DOK6: variants seen among roughly 807,000 people sequenced by gnomAD.
DOK6 encodes downstream of tyrosine kinase 6.
A neutral mutation model predicts 44.0 loss-of-function variants in DOK6; 22 were observed. The ratio of observed to expected loss-of-function variants is 0.50; its 90% CI spans 0.36 to 0.71. The LOEUF (loss-of-function observed/expected upper bound fraction) is 0.71, where lower values mean the gene tolerates loss of function less well. Among genes scored for constraint, DOK6 ranks in the 30% least tolerant of loss-of-function variants. The probability of loss-of-function intolerance (pLI) is 0.00; values close to 1 mark genes in which losing one functional copy is unlikely to be tolerated. For missense variants in DOK6, 340 were observed against 416.4 expected (o/e 0.82, Z 1.60); for synonymous variants, 166 against 145.5 (o/e 1.14, Z -1.01).
intron 2 of DOK6, among the ~76,000 whole-genome samples, chr18:69,592,053 T>G (rs1983634095): frequency 1.3e-5 from 2 of 152,086 alleles, no homozygotes; most frequent in African/African-American, 4.8e-5. Context: ...GGAATTATTT[T>G]CATTTTAAAA....
intron 1 of DOK6, among the ~76,000 whole-genome samples, chr18:69,455,842 A>T (rs1979620278): frequency 6.6e-6 from 1 of 152,250 alleles, no homozygotes; most frequent in South Asian, 2.1e-4. Context: ...GGCAATTTGG[A>T]CTCATTTACC....
chr18:69,642,619 T>C (rs193109297), intron 3 of DOK6, among the ~76,000 whole-genome samples: 1 of 152,346 alleles, frequency 6.6e-6, no homozygotes, highest in East Asian at 1.9e-4. Flanking sequence ...TTTCAAAATA[T>C]TGACATTCTG....
At chr18:69,615,295 T>C (rs1387924155) in intron 3 of DOK6, among the ~76,000 whole-genome samples, 1 of 152,234 alleles carries the variant, frequency 6.6e-6, no homozygotes. Context: ...TACTTCAGTT[T>C]CAAGTGATGT....
rs141610542 is a variant in DOK6, at chr18:69,774,893, G to A, written c.856+17020G>A. On this transcript the variant is annotated intron_variant, in intron 7 of 7. Transcript: ENST00000382713. Reference sequence around the variant, plus strand: ...AGTTCCAGCATGAAAAAAATAAAAAGCAATTCATACTTTGAAACACGAGGG... The same window carrying A: ...AGTTCCAGCATGAAAAAAATAAAAAACAATTCATACTTTGAAACACGAGGG... Among the ~76,000 whole-genome samples the A allele has an allele frequency of 4.2e-3, 638 of 151,840 alleles. 2 individuals carry two copies. Among genetic ancestry groups the A allele is most frequent in the Non-Finnish European group, 6.9e-3 (470 of 67,854 alleles).
intron 7 of DOK6, among the ~76,000 whole-genome samples, chr18:69,835,813 C>G (rs1477962149): frequency 1.3e-5 from 2 of 152,158 alleles, no homozygotes; most frequent in Non-Finnish European, 2.9e-5. Context: ...ACCCTTTTAT[C>G]TCCCCCAGAT....
chr18:69,441,151 C>A (rs1314394711), intron 1 of DOK6, among the ~76,000 whole-genome samples: 7 of 151,964 alleles, frequency 4.6e-5, no homozygotes, highest in Admixed American at 3.9e-4. Flanking sequence ...CAACAACCAC[C>A]ATAAAAATAC....
intron 1 of DOK6, among the ~76,000 whole-genome samples, chr18:69,435,818 C>T (rs533334574): frequency 7.7e-4 from 117 of 152,088 alleles, no homozygotes; most frequent in Non-Finnish European, 1.5e-3. Context: ...ATATTTCCCC[C>T]TCCCTCTTTC....
At chr18:69,803,624 G>A (rs1228596564) in intron 7 of DOK6, among the ~76,000 whole-genome samples, 1 of 152,180 alleles carries the variant, frequency 6.6e-6, no homozygotes, top group Non-Finnish European at 1.5e-5. Flanking sequence ...AGCACTTTGG[G>A]AGGCCGAGGC....
intron 3 of DOK6, among the ~76,000 whole-genome samples, chr18:69,631,099 T>C (rs1984680116): frequency 6.6e-6 from 1 of 152,172 alleles, no homozygotes; most frequent in African/African-American, 2.4e-5. Context: ...TATTTTTAGC[T>C]ATGTCTTCTT....
At chr18:69,491,469 A>G (rs1568274876) in intron 1 of DOK6, among the ~76,000 whole-genome samples, 1 of 152,260 alleles carries the variant, frequency 6.6e-6, no homozygotes, top group Non-Finnish European at 1.5e-5. Flanking sequence ...TCTAGCGAAC[A>G]TAGTTCTAGG....
intron 1 of DOK6, among the ~76,000 whole-genome samples, chr18:69,559,165 CA>C (rs562588514): frequency 8.4e-4 from 128 of 152,142 alleles, no homozygotes; most frequent in Middle Eastern, 3.4e-3. Flanking sequence ...TATTTTAAAA[CA>C]ATATTGAGTG....
chr18:69,628,011 A>G (rs935820912), intron 3 of DOK6, among the ~76,000 whole-genome samples: 1 of 152,232 alleles, frequency 6.6e-6, no homozygotes, highest in Non-Finnish European at 1.5e-5. Flanking sequence ...TTTTATGCAT[A>G]ATGTACAAAA....
chr18:69,602,542 C>T (rs1983896465), intron 3 of DOK6, among the ~76,000 whole-genome samples: 1 of 152,112 alleles, frequency 6.6e-6, no homozygotes. Flanking sequence ...AATAAGTAAA[C>T]ACTAAGGAAA....
In DOK6 at chr18:69,823,893, C is replaced by G. The variant is rs533855124; in HGVS notation, c.857-17351C>G. On this transcript the variant is annotated intron_variant, in intron 7 of 7. Coordinates refer to ENST00000382713, the MANE Select transcript of DOK6 (RefSeq NM_152721.6). ...TACTCTAAAAATACAATTTGTATTT[C>G]ATTTGCACAAGTCAGAAACTTACGT... 2.8e-4 allele frequency among the ~76,000 whole-genome samples: 43 copies of G among 152,182 alleles called. No individual in the cohort carries two copies. In the East Asian group the frequency reaches 8.1e-3, roughly 29 times the overall value.
chr18:69,421,095 C>G (rs1197480413), intron 1 of DOK6, among the ~76,000 whole-genome samples: 1 of 152,112 alleles, frequency 6.6e-6, no homozygotes, highest in Non-Finnish European at 1.5e-5. Flanking sequence ...AAGATTAAGA[C>G]AGGTTCTCAA....
At chr18:69,674,759 G>A (rs1003632324) in intron 3 of DOK6, among the ~76,000 whole-genome samples, 1 of 152,000 alleles carries the variant, frequency 6.6e-6, no homozygotes, top group Non-Finnish European at 1.5e-5. Context: ...CTCAGTTTCT[G>A]CCTAGCTAGG....
At chr18:69,804,304 T>A (rs1254279895) in intron 7 of DOK6, among the ~76,000 whole-genome samples, 1 of 152,188 alleles carries the variant, frequency 6.6e-6, no homozygotes, top group African/African-American at 2.4e-5. Flanking sequence ...TTATGATGTC[T>A]AAGAAGGTCA....
At chr18:69,735,550 A>G (rs1978577086) in intron 5 of DOK6, among the ~76,000 whole-genome samples, 1 of 152,236 alleles carries the variant, frequency 6.6e-6, no homozygotes, top group African/African-American at 2.4e-5. Context: ...CCCAGCAATG[A>G]CGTGTGACAA....
At chr18:69,719,793 G>A (rs185899337) in intron 5 of DOK6, among the ~76,000 whole-genome samples, 1 of 152,284 alleles carries the variant, frequency 6.6e-6, no homozygotes, top group Admixed American at 6.5e-5. Context: ...CAAATATGGT[G>A]TCAGCTATGT....
Sources: gnomAD v4.1 joint callset for allele counts (sites outside exome capture counted in the v4.1 genomes callset) on GRCh38, gnomAD v4.1.1 for gene constraint, MANE v1.5 for transcripts, NCBI Gene and HGNC (gene_info 2026-07-23, HGNC 2026-07-21) for gene names.